Variants in STX8 observed in about 807,000 individuals in gnomAD.
The protein encoded by STX8 is syntaxin-8.
A neutral mutation model predicts 37.5 loss-of-function variants in STX8; 23 were observed. That is an observed-to-expected ratio of 0.61 (90% CI 0.44 to 0.87). The LOEUF is 0.87. Among genes scored for constraint, STX8 ranks in the 40% least tolerant of loss-of-function variants. STX8 has a pLI of 0.00. For synonymous variants in STX8, 115 were observed against 99.1 expected (o/e 1.16, Z -0.95); for missense variants, 313 against 284.7 (o/e 1.10, Z -0.71).
At chr17:9,262,024 G>A (rs1470695259) in intron 7 of STX8, among the ~76,000 whole-genome samples, 1 of 152,116 alleles carries the variant, frequency 6.6e-6, no homozygotes, top group African/African-American at 2.4e-5. Flanking sequence ...ACTTTACCTG[G>A]CACCAATTAG....
In STX8 at chr17:9,400,278, AT is replaced by A. The variant is rs560030787; in HGVS notation, c.542-21626del. On this transcript the variant is annotated intron_variant, in intron 6 of 7. Transcript: ENST00000306357. ...CCACCACGCTCAGCTAATTTTTTGTATTTTTAATAGAGACGGGATTCACCGT... is the reference window on the plus strand; with the variant it reads ...CCACCACGCTCAGCTAATTTTTTGTATTTTAATAGAGACGGGATTCACCGT... Among the ~76,000 whole-genome samples, 1,240 of 150,240 alleles carry A rather than the reference AT, an allele frequency of 8.3e-3. 19 individuals are homozygous for A. Among genetic ancestry groups the A allele is most frequent in the African/African-American group, 0.029 (1,171 of 40,842 alleles).
At chr17:9,409,267 G>T (rs1461498262) in intron 6 of STX8, among the ~76,000 whole-genome samples, 2 of 152,152 alleles carry the variant, frequency 1.3e-5, no homozygotes, top group Non-Finnish European at 2.9e-5. Flanking sequence ...TGCAGGCGTA[G>T]AAACTAGGCA....
At chr17:9,522,509 A>G (rs914720031) in intron 4 of STX8, among the ~76,000 whole-genome samples, 1 of 145,678 alleles carries the variant, frequency 6.9e-6, no homozygotes, top group African/African-American at 2.5e-5. Context: ...CATCCAGGCT[A>G]ACACGGTGAA....
At position 9,507,613 on chromosome 17, in the gene STX8, C is replaced by A. The variant is rs1904888326; in HGVS notation, c.324-2451G>T. Among the ~76,000 whole-genome samples, 1 of 152,216 alleles carries A rather than the reference C, an allele frequency of 6.6e-6. No homozygotes were observed. Among genetic ancestry groups the A allele is most frequent in the African/African-American group, 2.4e-5 (1 of 41,446 alleles). ...CATACTCCCAGACTGGCCAAGCAAC[C>A]AAGCAACTGTGCCCTCAGCCAGAGT... On this transcript the variant is annotated intron_variant, in intron 4 of 7. Transcript: ENST00000306357. This position sits in a 1 kb window ranked among gnomAD's most constrained non-coding sequence, Gnocchi z 4.0.
At chr17:9,396,148 T>C (rs2142310909) in intron 6 of STX8, among the ~76,000 whole-genome samples, 1 of 152,220 alleles carries the variant, frequency 6.6e-6, no homozygotes, top group East Asian at 1.9e-4. Context: ...AAGACTGGAA[T>C]CCTGATGATA....
At chr17:9,384,633 C>T (rs1347651011) in intron 6 of STX8, among the ~76,000 whole-genome samples, 3 of 151,256 alleles carry the variant, frequency 2.0e-5, no homozygotes, top group Non-Finnish European at 2.9e-5. Flanking sequence ...GAGCGAGACT[C>T]CATCTCAAAC....
intron 4 of STX8, among the ~76,000 whole-genome samples, chr17:9,520,644 T>C (rs545487357): frequency 2.0e-5 from 3 of 152,280 alleles, no homozygotes; most frequent in Admixed American, 6.5e-5. Context: ...TTCATTTTCA[T>C]CCCCCAAAGA....
intron 7 of STX8, among the ~76,000 whole-genome samples, chr17:9,344,005 G>C (rs1910453728): frequency 6.6e-6 from 1 of 152,032 alleles, no homozygotes; most frequent in Non-Finnish European, 1.5e-5. Flanking sequence ...CAAGTACCAG[G>C]AATTGATTAG....
chr17:9,348,495 A>C (rs1257651269), intron 7 of STX8, among the ~76,000 whole-genome samples: 1 of 134,910 alleles, frequency 7.4e-6, no homozygotes, highest in Non-Finnish European at 1.7e-5. Flanking sequence ...TAAACTTTCT[A>C]TCCCTATTCA....
At chr17:9,517,812 G>C (rs1213041998) in intron 4 of STX8, among the ~76,000 whole-genome samples, 3 of 124,128 alleles carry the variant, frequency 2.4e-5, no homozygotes, top group Non-Finnish European at 5.2e-5. Context: ...AAAAAAAAAA[G>C]GCAAAGAGAC....
At chr17:9,344,320 T>C (rs1910462899) in intron 7 of STX8, among the ~76,000 whole-genome samples, 1 of 151,634 alleles carries the variant, frequency 6.6e-6, no homozygotes, top group Admixed American at 6.6e-5. Flanking sequence ...TCATGCAATG[T>C]CGTGATCTTG....
chr17:9,473,021 T>C (rs2142441205), intron 6 of STX8, among the ~76,000 whole-genome samples: 1 of 151,276 alleles, frequency 6.6e-6, no homozygotes, highest in East Asian at 1.9e-4. Flanking sequence ...ACAAACACCA[T>C]GCATGTGTCT....
chr17:9,304,843 C>T (rs1908914012), intron 7 of STX8, among the ~76,000 whole-genome samples: 1 of 151,198 alleles, frequency 6.6e-6, no homozygotes. Flanking sequence ...AGCTATACCT[C>T]TACACATATA....
chr17:9,575,126 A>T lies in STX8; in HGVS notation c.17+666T>A, dbSNP rs185613643. On this transcript the variant is annotated intron_variant, in intron 1 of 7. Coordinates refer to ENST00000306357, the MANE Select transcript of STX8 (RefSeq NM_004853.3). Reference sequence around the variant, plus strand: ...TATGTTCCTTGGGATCAAAAGTTGCATCTTTCATCATGCAGTCCTTGGGAT... The same window carrying T: ...TATGTTCCTTGGGATCAAAAGTTGCTTCTTTCATCATGCAGTCCTTGGGAT... 2.3e-3 allele frequency among the ~76,000 whole-genome samples: 347 copies of T among 152,374 alleles called. 5 individuals carry two copies. The highest frequency in any genetic ancestry group is 0.01 in the Admixed American group (157 of 15,306).
chr17:9,339,597 T>C (rs1597613450), intron 7 of STX8, among the ~76,000 whole-genome samples: 1 of 152,026 alleles, frequency 6.6e-6, no homozygotes. Context: ...GAGGTTGCAG[T>C]GAGCCGAGAT....
chr17:9,572,278 T>A (rs778296209), intron 1 of STX8, among the ~76,000 whole-genome samples: 2 of 152,212 alleles, frequency 1.3e-5, no homozygotes, highest in Non-Finnish European at 2.9e-5. Context: ...ACCACTTGCT[T>A]TGATAGGCCA....
intron 7 of STX8, among the ~76,000 whole-genome samples, chr17:9,284,608 A>G (rs1052864327): frequency 4.6e-5 from 7 of 152,186 alleles, no homozygotes; most frequent in African/African-American, 1.4e-4. Flanking sequence ...TTTTTCTTTA[A>G]AAGTGTATAA....
chr17:9,371,355 T>C (rs1268639786), intron 7 of STX8, among the ~76,000 whole-genome samples: 1 of 152,228 alleles, frequency 6.6e-6, no homozygotes, highest in Non-Finnish European at 1.5e-5. Context: ...GCCCTGTGAA[T>C]GGTAATTGAG....
intron 2 of STX8, among the ~76,000 whole-genome samples, chr17:9,557,980 C>G (rs868714589): frequency 6.6e-6 from 1 of 152,228 alleles, no homozygotes; most frequent in Non-Finnish European, 1.5e-5. Context: ...CCATCCCCAC[C>G]AGGCTCTCTG....
Sources: allele counts gnomAD v4.1 joint callset (sites outside exome capture counted in the v4.1 genomes callset), GRCh38; gene constraint gnomAD v4.1.1; non-coding constraint Gnocchi (gnomAD v3.1); transcripts MANE v1.5; gene names NCBI Gene and HGNC (gene_info 2026-07-23, HGNC 2026-07-21).